Variants in PCNX2 observed in about 807,000 individuals in gnomAD.
PCNX2 encodes pecanex 2.
A neutral mutation model predicts 223.8 loss-of-function variants in PCNX2; 168 were observed. The ratio of observed to expected loss-of-function variants is 0.75; its 90% CI spans 0.66 to 0.85. PCNX2 has a LOEUF of 0.85. Among genes scored for constraint, PCNX2 ranks in the 40% least tolerant of loss-of-function variants. The pLI is 0.00. For missense variants in PCNX2, 2,507 were observed against 2,675.5 expected (o/e 0.94, Z 1.39); for synonymous variants, 1,006 against 1,052.6 (o/e 0.96, Z 0.86).
chr1:233,276,699 G>A (rs906520193), intron 1 of PCNX2, among the ~76,000 whole-genome samples: 6 of 152,144 alleles, frequency 3.9e-5, no homozygotes, highest in African/African-American at 1.2e-4. Context: ...TCCATGCAAC[G>A]TGTTCACTGC....
chr1:233,166,001 G>A (rs1678771460), intron 17 of PCNX2, among the ~76,000 whole-genome samples: 1 of 151,966 alleles, frequency 6.6e-6, no homozygotes, highest in Non-Finnish European at 1.5e-5. Flanking sequence ...TGATGGTATT[G>A]GTGCAAATAC....
intron 21 of PCNX2, among the ~76,000 whole-genome samples, chr1:233,127,731 C>A (rs1676183295): frequency 6.6e-6 from 1 of 152,188 alleles, no homozygotes; most frequent in Non-Finnish European, 1.5e-5. Flanking sequence ...GGCATATCCA[C>A]CCACAAAGCT....
intron 21 of PCNX2, among the ~76,000 whole-genome samples, chr1:233,131,785 T>C (rs1016383747): frequency 2.6e-5 from 4 of 152,178 alleles, no homozygotes; most frequent in African/African-American, 9.7e-5. Flanking sequence ...ATTATTCAAA[T>C]AATATGTGCT....
chr1:233,085,014 T>C (rs1172731375), intron 23 of PCNX2, among the ~76,000 whole-genome samples: 1 of 152,164 alleles, frequency 6.6e-6, no homozygotes, highest in Non-Finnish European at 1.5e-5. Context: ...TCCTCTGACA[T>C]AATACTGTTA....
At chr1:233,216,561 T>C (rs1488333715) in intron 12 of PCNX2, among the ~76,000 whole-genome samples, 1 of 152,132 alleles carries the variant, frequency 6.6e-6, no homozygotes, top group Non-Finnish European at 1.5e-5. Context: ...TGGCAAGGAT[T>C]TGGAGAAAAG....
chr1:233,229,812 C>A (rs893227862), intron 9 of PCNX2, among the ~76,000 whole-genome samples: 1 of 151,468 alleles, frequency 6.6e-6, no homozygotes, highest in Non-Finnish European at 1.5e-5. Context: ...AAAAAAAAAA[C>A]CTCCTCAAAA....
chr1:233,313,337 G>A, the PCNX2 span, among the ~76,000 whole-genome samples: 1 of 152,110 alleles, frequency 6.6e-6, no homozygotes, highest in African/African-American at 2.4e-5. Flanking sequence ...TATTAGCCAA[G>A]ATTAGTCCCA....
rs1209982488 is a variant in PCNX2, at chr1:233,263,010, T to G, written c.307A>C (p.Asn103His). 2 of 1,613,766 alleles carry G rather than the reference T, an allele frequency of 1.2e-6. No homozygotes were observed. The highest frequency in any genetic ancestry group is 1.7e-6 in the Non-Finnish European group (2 of 1,179,818). Residue 103 changes from asparagine to histidine, a missense_variant, in exon 2 of 34, where the codon AAT (asparagine) becomes CAT (histidine). Transcript: ENST00000258229. ...TCACCTTTGGCCTCCTTGTCTTTAT[T>G]TGGCTTTTCTTCCTTTCTGGAGGGC... Reference protein sequence around the residue: ...QKPSRKEEKPNKDKEAKGEHI... With the variant: ...QKPSRKEEKPHKDKEAKGEHI...
intron 21 of PCNX2, among the ~76,000 whole-genome samples, chr1:233,127,429 A>G (rs1274884113): frequency 1.3e-5 from 2 of 152,010 alleles, no homozygotes; most frequent in Non-Finnish European, 2.9e-5. Context: ...TGACTTACTC[A>G]TTCTTCCTGA....
chr1:233,305,334 A>T, the PCNX2 span, among the ~76,000 whole-genome samples: 2 of 152,344 alleles, frequency 1.3e-5, no homozygotes, highest in South Asian at 4.1e-4. Context: ...TTATATTGTT[A>T]GTTTTTATAT....
chr1:233,124,970 G>A (rs1676015688), intron 21 of PCNX2, among the ~76,000 whole-genome samples: 1 of 152,186 alleles, frequency 6.6e-6, no homozygotes, highest in Admixed American at 6.5e-5. Flanking sequence ...ACACTGATCT[G>A]TGATCAATGA....
chr1:233,186,858 T>C (rs1370598294), intron 15 of PCNX2, among the ~76,000 whole-genome samples: 1 of 152,154 alleles, frequency 6.6e-6, no homozygotes, highest in Non-Finnish European at 1.5e-5. Flanking sequence ...TCCAAGTCTA[T>C]CTATAGCTAC....
At position 233,217,948 on chromosome 1, in the gene PCNX2, A is replaced by G; in HGVS notation, c.2659-17T>C. 1 of 1,613,808 alleles carries G rather than the reference A, an allele frequency of 6.2e-7. No homozygotes were observed. Among genetic ancestry groups the G allele is most frequent in the Admixed American group, 1.7e-5 (1 of 60,004 alleles). ...CTGAACACTCTAAAACACAAATCAG[A>G]AGTGTCTGTGTCATCATCTCATGAT... On this transcript the variant is annotated splice_polypyrimidine_tract_variant and intron_variant, in intron 11 of 33. Coordinates refer to ENST00000258229, the MANE Select transcript of PCNX2 (RefSeq NM_014801.4).
chr1:233,057,459 A>C, intron 23 of PCNX2, 169 bp from the exon 24 acceptor site: 1 of 612,584 alleles, frequency 1.6e-6, no homozygotes, highest in Non-Finnish European at 3.0e-6. Context: ...GTCTCATGAT[A>C]AGAGATAGAG....
chr1:233,259,857 C>A (rs1370586559), intron 4 of PCNX2: 1 of 895,320 alleles, frequency 1.1e-6, no homozygotes, highest in Non-Finnish European at 1.3e-6. Flanking sequence ...TGAAATTATT[C>A]TTGAAACACA....
chr1:233,259,919 T>G, intron 4 of PCNX2: 2 of 637,770 alleles, frequency 3.1e-6, no homozygotes, highest in Non-Finnish European at 3.9e-6. Flanking sequence ...ACTATATATA[T>G]AGCATTTACA....
In PCNX2 at chr1:233,014,712, G is replaced by T. The variant is rs758231096; in HGVS notation, c.4905C>A (p.Thr1635=). The T allele has an allele frequency of 9.3e-6, 15 of 1,613,856 alleles. No homozygotes were observed. Among genetic ancestry groups the T allele is most frequent in the African/African-American group, 1.3e-5 (1 of 74,924 alleles). ...PLVTLSFALC[T]LGRRALGTAA... is the part of the protein sequence containing the mutation. The stretch of plus-strand genomic sequence containing the variant: ...CTGTTCCCAGAGCTCTCCTCCCCAG[G>T]GTGCACAGGGCGAAGGACAGAGTCA... The change falls in exon 28 of 34, where the codon ACC becomes ACA. Residue 1635 remains threonine (T), a synonymous_variant. Transcript: ENST00000258229.
At chr1:233,112,717 T>TGGTCTCTGTCTC in intron 21 of PCNX2, 1 of 684,118 alleles carries the variant, frequency 1.5e-6, no homozygotes, top group Non-Finnish European at 1.9e-6. Flanking sequence ...CTTTGAACAA[T>TGGTCTCTGTCTC]ATAACTAAAT....
chr1:233,036,058 A>G (rs535410928), intron 25 of PCNX2, among the ~76,000 whole-genome samples: 4 of 152,240 alleles, frequency 2.6e-5, no homozygotes, highest in Non-Finnish European at 5.9e-5. Context: ...AAAGACTTTA[A>G]AAAGTTTTTG....
Sources: allele counts gnomAD v4.1 joint callset (sites outside exome capture counted in the v4.1 genomes callset), GRCh38; gene constraint gnomAD v4.1.1; transcripts MANE v1.5; gene names NCBI Gene and HGNC (gene_info 2026-07-23, HGNC 2026-07-21).